The following SPSB1 variants were observed in gnomAD, a reference collection of about 807,000 sequenced individuals.
SPSB1 encodes the protein SPRY domain-containing SOCS box protein 1.
In SPSB1, 8 loss-of-function variants were observed where a neutral mutation model predicts 21.2. The ratio of observed to expected loss-of-function variants is 0.38; its 90% CI spans 0.22 to 0.68. The LOEUF is 0.68. Ranked by LOEUF, SPSB1 falls within the 30% of genes least tolerant of loss-of-function variation. The pLI is 0.53. For synonymous variants in SPSB1, 169 were observed against 161.7 expected (o/e 1.05, Z -0.34); for missense variants, 242 against 377.8 (o/e 0.64, Z 2.98).
At chr1:9,300,366 A>G (rs937439535) in intron 1 of SPSB1, among the ~76,000 whole-genome samples, 3 of 152,218 alleles carry the variant, frequency 2.0e-5, no homozygotes, top group African/African-American at 7.2e-5. Context: ...GAAGACTGCA[A>G]CAGGTCCAGG....
intron 1 of SPSB1, among the ~76,000 whole-genome samples, chr1:9,302,787 T>C (rs1052106852): frequency 2.0e-5 from 3 of 152,164 alleles, no homozygotes; most frequent in Non-Finnish European, 2.9e-5. Flanking sequence ...CTATGTACTC[T>C]GTATCAGCAT....
At chr1:9,334,836 A>G (rs1639979456) in intron 1 of SPSB1, among the ~76,000 whole-genome samples, 1 of 152,200 alleles carries the variant, frequency 6.6e-6, no homozygotes, top group South Asian at 2.1e-4. Context: ...ACTTCATATA[A>G]CGTGTTCAAG....
chr1:9,305,585 G>A lies in SPSB1; in HGVS notation c.-150+12514G>A, dbSNP rs919770236. Among the ~76,000 whole-genome samples the A allele has an allele frequency of 6.6e-6, 1 of 152,200 alleles. No homozygotes were observed. The highest frequency in any genetic ancestry group is 2.4e-5 in the African/African-American group (1 of 41,444). On this transcript the variant is annotated intron_variant, in intron 1 of 2. Transcript: ENST00000328089. The surrounding 1 kb of genome is among the most constrained non-coding windows in gnomAD (Gnocchi z 4.8). ...GAGCTCGATGTGGGCCCAGGGTGTG[G>A]GTGCTGGGGGTGGGGACTCCCCGTC...
chr1:9,309,798 C>A (rs1038152197), intron 1 of SPSB1, among the ~76,000 whole-genome samples: 1 of 152,176 alleles, frequency 6.6e-6, no homozygotes, highest in African/African-American at 2.4e-5. Context: ...GCCAAGACTG[C>A]ACCATTGCAC....
intron 1 of SPSB1, among the ~76,000 whole-genome samples, chr1:9,354,386 G>T (rs978484267): frequency 2.0e-5 from 3 of 152,150 alleles, no homozygotes; most frequent in African/African-American, 7.2e-5. Flanking sequence ...AGCCTGCCTT[G>T]CCCCTGGCCT....
In SPSB1 at chr1:9,321,403, G is replaced by A. The variant is rs956466771; in HGVS notation, c.-150+28332G>A. On this transcript the variant is annotated intron_variant, in intron 1 of 2. Transcript: ENST00000328089. The surrounding 1 kb of genome is among the most constrained non-coding windows in gnomAD (Gnocchi z 4.8). ...CCAGGGCCCATTCTTGGGAGAGAGC[G>A]GATCCTGTGTGATTTTACGGAACTT... is the stretch of plus-strand genomic sequence containing the variant. Among the ~76,000 whole-genome samples the A allele has an allele frequency of 3.9e-5, 6 of 152,128 alleles. No homozygotes were observed. Among genetic ancestry groups the A allele is most frequent in the African/African-American group, 9.7e-5 (4 of 41,410 alleles).
intron 2 of SPSB1, among the ~76,000 whole-genome samples, chr1:9,366,297 C>G (rs186948912): frequency 6.6e-6 from 1 of 152,222 alleles, no homozygotes; most frequent in Non-Finnish European, 1.5e-5. Context: ...TTCCAGTTTC[C>G]TGGGGCCTGA....
chr1:9,299,691 CTGGTCT>C (rs1376085406), intron 1 of SPSB1, among the ~76,000 whole-genome samples: 9 of 152,128 alleles, frequency 5.9e-5, no homozygotes, highest in Non-Finnish European at 1.2e-4. Context: ...GTTGGTCAGG[CTGGTCT>C]TGAACTCCTG....
intron 1 of SPSB1, among the ~76,000 whole-genome samples, chr1:9,347,070 C>A (rs1640176545): frequency 6.6e-6 from 1 of 152,208 alleles, no homozygotes; most frequent in African/African-American, 2.4e-5. Context: ...GTTATCCGAG[C>A]ACTTTGGGTG....
rs1639399348 is a variant in SPSB1, at chr1:9,305,649, ACTTC to A, written c.-150+12584_-150+12587del. ...GCCAGGTGTTCCGTTCTCAGACCAG[ACTTC>A]CTTCCATGCCCCGTGGGAGGTCAGG... On this transcript the variant is annotated intron_variant, in intron 1 of 2. Transcript: ENST00000328089. The surrounding 1 kb of genome is among the most constrained non-coding windows in gnomAD (Gnocchi z 4.8). Among the ~76,000 whole-genome samples, 1 of 152,082 alleles carries A rather than the reference ACTTC, an allele frequency of 6.6e-6. No individual in the cohort carries two copies. The highest frequency in any genetic ancestry group is 2.4e-5 in the African/African-American group (1 of 41,396).
At position 9,356,535 on chromosome 1, in the gene SPSB1, C is replaced by T. The variant is rs933021099; in HGVS notation, c.644C>T (p.Ala215Val). The change falls in exon 2 of 3, where the codon GCC becomes GTC. Residue 215 changes from alanine (A) to valine (V), a missense_variant. Coordinates refer to ENST00000328089, the MANE Select transcript of SPSB1 (RefSeq NM_025106.4). This position sits in a 1 kb window ranked among gnomAD's most constrained non-coding sequence, Gnocchi z 7.4. ...KGKKLYPVVS[A>V]VWGHCEIRMR... ...AAAAAACTGTATCCTGTAGTGAGTG[C>T]CGTCTGGGGCCACTGTGAGATCCGA... 3.1e-6 allele frequency: 5 copies of T among 1,604,810 alleles called. No individual in the cohort carries two copies. The highest frequency in any genetic ancestry group is 4.3e-6 in the Non-Finnish European group (5 of 1,172,678).
At chr1:9,344,158 C>T (rs1569632714) in intron 1 of SPSB1, among the ~76,000 whole-genome samples, 1 of 152,164 alleles carries the variant, frequency 6.6e-6, no homozygotes, top group African/African-American at 2.4e-5. Context: ...ATCTGAGATT[C>T]TAAACTGTTG....
In SPSB1 at chr1:9,344,953, C is replaced by T. The variant is rs1640147961; in HGVS notation, c.-149-10790C>T. On this transcript the variant is annotated intron_variant, in intron 1 of 2. Transcript: ENST00000328089. Reference sequence around the variant, plus strand: ...TGGAGAGAGGTCAGAGTGTCACTGGCTCCCATTCAGGCCTTGGCACCCTGA... The same window carrying T: ...TGGAGAGAGGTCAGAGTGTCACTGGTTCCCATTCAGGCCTTGGCACCCTGA... 2.0e-5 allele frequency among the ~76,000 whole-genome samples: 3 copies of T among 152,174 alleles called. No homozygotes were observed. The South Asian group carries it at 6.2e-4, about 32-fold the overall frequency.
intron 1 of SPSB1, among the ~76,000 whole-genome samples, chr1:9,331,111 T>A (rs192147002): frequency 6.6e-6 from 1 of 152,142 alleles, no homozygotes; most frequent in Non-Finnish European, 1.5e-5. Context: ...CCCCGCTGAA[T>A]GCTTGTGGAA....
rs1344422348 is a variant in SPSB1, at chr1:9,348,213, G to A, written c.-149-7530G>A. Among the ~76,000 whole-genome samples, 1 of 151,894 alleles carries A rather than the reference G, an allele frequency of 6.6e-6. No individual in the cohort carries two copies. The highest frequency in any genetic ancestry group is 1.5e-5 in the Non-Finnish European group (1 of 68,000). ...GCCCACCTCGGCCTCTCAAAGTGCT[G>A]GGATTACAGGCGTGAGCCACCGCGG... On this transcript the variant is annotated intron_variant, in intron 1 of 2. Coordinates refer to ENST00000328089, the MANE Select transcript of SPSB1 (RefSeq NM_025106.4). This position sits in a 1 kb window ranked among gnomAD's most constrained non-coding sequence, Gnocchi z 4.8.
At position 9,362,345 on chromosome 1, in the gene SPSB1, C is replaced by T. The variant is rs1040979204; in HGVS notation, c.695-5103C>T. Among the ~76,000 whole-genome samples, 7 of 152,238 alleles carry T rather than the reference C, an allele frequency of 4.6e-5. 1 individual carries two copies. Among genetic ancestry groups the T allele is most frequent in the South Asian group, 4.1e-4 (2 of 4,834 alleles). ...TCTGATCACCTAGGTGGATCTCAGGCGTCCTTCCCCAGTTGACAAGGACAA... is the reference window on the plus strand; with the variant it reads ...TCTGATCACCTAGGTGGATCTCAGGTGTCCTTCCCCAGTTGACAAGGACAA... On this transcript the variant is annotated intron_variant, in intron 2 of 2. Transcript: ENST00000328089.
rs899210000 is a variant in SPSB1, at chr1:9,339,177, CT to C, written c.-149-16565del. 9.2e-6 allele frequency: 9 copies of C among 975,476 alleles called. No individual in the cohort carries two copies. The African/African-American group carries it at 1.6e-4, about 17-fold the overall frequency. 60.4% of individuals were successfully genotyped at this position (975,476 alleles called of 1,614,324 possible). Reference sequence around the variant, plus strand: ...CTGCCCTCACCCCTCTTCTGTCATTCTCCCCCCAGCGGTGAGGACCTGTGGG... The same window carrying C: ...CTGCCCTCACCCCTCTTCTGTCATTCCCCCCCAGCGGTGAGGACCTGTGGG... On this transcript the variant is annotated intron_variant, in intron 1 of 2. Transcript: ENST00000328089.
chr1:9,354,592 C>T (rs1406739942), intron 1 of SPSB1, among the ~76,000 whole-genome samples: 1 of 152,116 alleles, frequency 6.6e-6, no homozygotes, highest in Non-Finnish European at 1.5e-5. Flanking sequence ...CCGGGTGGAT[C>T]ACCTGAGGTC....
chr1:9,324,324 G>A lies in SPSB1; in HGVS notation c.-150+31253G>A, dbSNP rs1639776642. Among the ~76,000 whole-genome samples, 1 of 152,176 alleles carries A rather than the reference G, an allele frequency of 6.6e-6. No homozygotes were observed. ...ATGAATCGTGTCCCGATTAGCTGTT[G>A]GTGGTGTGCCATCTGCGGCTCTGCT... On this transcript the variant is annotated intron_variant, in intron 1 of 2. Transcript: ENST00000328089. This position sits in a 1 kb window ranked among gnomAD's most constrained non-coding sequence, Gnocchi z 4.3.
Sources: allele counts gnomAD v4.1 joint callset (sites outside exome capture counted in the v4.1 genomes callset), GRCh38; gene constraint gnomAD v4.1.1; non-coding constraint Gnocchi (gnomAD v3.1); transcripts MANE v1.5; gene names NCBI Gene and HGNC (gene_info 2026-07-23, HGNC 2026-07-21).